The following SEL1L2 variants were observed in gnomAD, a reference collection of about 807,000 sequenced individuals.
The protein encoded by SEL1L2 is SEL1L2 adaptor subunit of SYVN1 ubiquitin ligase.
A neutral mutation model predicts 98.8 loss-of-function variants in SEL1L2; 89 were observed. The ratio of observed to expected loss-of-function variants is 0.90; its 90% CI spans 0.76 to 1.07. The LOEUF is 1.07. SEL1L2 is among the 50% of genes least tolerant of loss of function. The probability of loss-of-function intolerance (pLI) is 0.00; values close to 1 mark genes in which losing one functional copy is unlikely to be tolerated. For missense variants in SEL1L2, 788 were observed against 812.0 expected, an observed-to-expected ratio of 0.97 and a Z score of 0.36; for synonymous variants, 262 against 278.5, an observed-to-expected ratio of 0.94 and a Z score of 0.59.
At chr20:13,852,706 T>C (rs1033816876) in intron 18 of SEL1L2, among the ~76,000 whole-genome samples, 2 of 152,214 alleles carry the variant, frequency 1.3e-5, no homozygotes, top group Admixed American at 6.5e-5. Context: ...TTAACTAAAA[T>C]GTTATGTGGA....
intron 12 of SEL1L2, among the ~76,000 whole-genome samples, chr20:13,871,822 C>T (rs1473489881): frequency 1.3e-5 from 2 of 152,038 alleles, no homozygotes; most frequent in Non-Finnish European, 2.9e-5. Context: ...GACCAACTGA[C>T]TTTGATTCAG....
chr20:13,991,944 G>A (rs1210231826), upstream of SEL1L2, among the ~76,000 whole-genome samples: 1 of 152,066 alleles, frequency 6.6e-6, no homozygotes, highest in East Asian at 1.9e-4. Flanking sequence ...AGGGGTGGAG[G>A]TTGCAGTGAG....
chr20:13,988,412 G>T (rs1260305405), intron 1 of SEL1L2, among the ~76,000 whole-genome samples: 1 of 152,064 alleles, frequency 6.6e-6, no homozygotes, highest in African/African-American at 2.4e-5. Flanking sequence ...AGCACCATTT[G>T]TTGGAGAGAT....
intron 2 of SEL1L2, among the ~76,000 whole-genome samples, chr20:13,934,215 C>G (rs1296664097): frequency 6.8e-6 from 1 of 146,492 alleles, no homozygotes; most frequent in Non-Finnish European, 1.5e-5. Flanking sequence ...TGAGAACATC[C>G]AATGTTTGCT....
At chr20:13,899,018 A>G (rs1214847063) in intron 5 of SEL1L2, among the ~76,000 whole-genome samples, 3 of 152,196 alleles carry the variant, frequency 2.0e-5, no homozygotes, top group African/African-American at 7.2e-5. Flanking sequence ...CTGGGATTAC[A>G]GGCATGAGCC....
Position 13,859,296 on chromosome 20 carries a change from G to A in SEL1L2, c.1784C>T (p.Ala595Val), listed in dbSNP as rs754168698. 6.2e-7 allele frequency: 1 copy of A among 1,614,130 alleles called. No individual in the cohort carries two copies. The highest frequency in any genetic ancestry group is 8.5e-7 in the Non-Finnish European group (1 of 1,180,014). Reference protein sequence around the residue: ...YHNAQAMFNLAYMYEHGLGIT... With the variant: ...YHNAQAMFNLVYMYEHGLGIT... The stretch of plus-strand genomic sequence containing the variant: ...GCCTAAGCCGTGTTCATACATATAA[G>A]CCAGATTGAACATGGCTTGCGCGTT... The change falls in exon 18 of 20, where the codon GCT (alanine) becomes GTT (valine). Residue 595 changes from alanine to valine, a missense_variant. Ala to Val is a moderately conservative substitution (Grantham distance 64). Transcript: ENST00000284951.
intron 5 of SEL1L2, among the ~76,000 whole-genome samples, chr20:13,905,842 G>A (rs74810263): frequency 1.1e-3 from 148 of 139,064 alleles, no homozygotes; most frequent in African/African-American, 3.7e-3. Flanking sequence ...TCAGCAAATT[G>A]TTTGTAAGAC....
intron 10 of SEL1L2, among the ~76,000 whole-genome samples, chr20:13,883,685 AC>A (rs79240182): frequency 0.1 from 15,426 of 152,196 alleles, 886 homozygotes; most frequent in East Asian, 0.2. Context: ...CTTCATCCTC[AC>A]CTGGAGGCAG....
chr20:13,937,942 G>A (rs574076747), intron 2 of SEL1L2, among the ~76,000 whole-genome samples: 2 of 152,192 alleles, frequency 1.3e-5, no homozygotes, highest in East Asian at 3.9e-4. Flanking sequence ...TTTATTTGTG[G>A]CTAATGTCTG....
chr20:13,915,022 A>G (rs778424483), intron 4 of SEL1L2: 13 of 1,008,006 alleles, frequency 1.3e-5, no homozygotes, highest in Non-Finnish European at 1.7e-5. Context: ...AAGACCAGAA[A>G]GCGTTAACTT....
chr20:13,861,711 C>T (rs1355143190), intron 17 of SEL1L2, among the ~76,000 whole-genome samples: 10 of 152,116 alleles, frequency 6.6e-5, no homozygotes. Context: ...GTAAAATCCT[C>T]CAATGACTTT....
At chr20:13,947,767 T>C (rs1163034709) in intron 2 of SEL1L2, among the ~76,000 whole-genome samples, 2 of 152,230 alleles carry the variant, frequency 1.3e-5, no homozygotes, top group Non-Finnish European at 2.9e-5. Flanking sequence ...CTGTATTCCC[T>C]TCATCCAGAC....
At chr20:13,969,999 G>C (rs955073495) in intron 1 of SEL1L2, among the ~76,000 whole-genome samples, 6 of 150,386 alleles carry the variant, frequency 4.0e-5, no homozygotes, top group Admixed American at 4.0e-4. Context: ...CGGATTGTAA[G>C]ATCTCTGAAG....
intron 5 of SEL1L2, among the ~76,000 whole-genome samples, chr20:13,892,698 A>T (rs2047257860): frequency 6.6e-6 from 1 of 152,220 alleles, no homozygotes; most frequent in Non-Finnish European, 1.5e-5. Context: ...ATTGCTTTAG[A>T]CGTAAATGGA....
Position 13,913,796 on chromosome 20 carries a change from A to T in SEL1L2, c.535T>A (p.Cys179Ser). ...LYESLAKEGS[C>S]KAQNALGFLS... is the part of the protein sequence containing the mutation. ...TCAAAACTCACGTTTTGGGCTTTAC[A>T]TGATCCTTCTTTAGCCAAGGACTCA... The change falls in exon 5 of 20, where the codon TGT becomes AGT. Residue 179 changes from cysteine (C) to serine (S), a missense_variant. Transcript: ENST00000284951. The T allele has an allele frequency of 6.6e-7, 1 of 1,526,256 alleles. No individual in the cohort carries two copies. 94.5% of individuals were successfully genotyped at this position (1,526,256 alleles called of 1,614,324 possible). A position where few individuals can be genotyped will look rare whatever the true frequency, so the allele number is the denominator to read the frequency against.
At chr20:13,974,105 AC>A (rs1176002606) in intron 1 of SEL1L2, among the ~76,000 whole-genome samples, 1 of 152,016 alleles carries the variant, frequency 6.6e-6, no homozygotes, top group Admixed American at 6.6e-5. Context: ...ACTAATGTCT[AC>A]ACTTGTCTAG....
chr20:13,938,327 C>G (rs2049560141), intron 2 of SEL1L2, among the ~76,000 whole-genome samples: 1 of 152,120 alleles, frequency 6.6e-6, no homozygotes, highest in Admixed American at 6.5e-5. Context: ...GATCTGCCCA[C>G]CTCGGCCTCC....
intron 2 of SEL1L2, among the ~76,000 whole-genome samples, chr20:13,951,063 T>G (rs912469696): frequency 6.6e-6 from 1 of 151,660 alleles, no homozygotes; most frequent in African/African-American, 2.4e-5. Context: ...GATCACAAGG[T>G]CAGGAGATCG....
At chr20:13,904,544 T>C (rs888327250) in intron 5 of SEL1L2, among the ~76,000 whole-genome samples, 1 of 151,798 alleles carries the variant, frequency 6.6e-6, no homozygotes, top group East Asian at 1.9e-4. Context: ...AACAAACAAA[T>C]AAATATATAT....
Sources: allele counts gnomAD v4.1 joint callset (sites outside exome capture counted in the v4.1 genomes callset), GRCh38; gene constraint gnomAD v4.1.1; transcripts MANE v1.5; gene names NCBI Gene and HGNC (gene_info 2026-07-23, HGNC 2026-07-21).